Variants in CORO2B observed in about 807,000 individuals in gnomAD.
The protein encoded by CORO2B is coronin-2B.
Under a neutral mutation model 58.8 loss-of-function variants are expected in CORO2B, and 26 were observed. That is an observed-to-expected ratio of 0.44 (90% CI 0.32 to 0.61). CORO2B has a LOEUF of 0.61. CORO2B is among the 20% of genes least tolerant of loss of function. CORO2B has a pLI of 0.04. For synonymous variants in CORO2B, 242 were observed against 253.8 expected, an observed-to-expected ratio of 0.95 and a Z score of 0.44; for missense variants, 460 against 645.1, an observed-to-expected ratio of 0.71 and a Z score of 3.11.
chr15:68,723,468 G>A (rs1289382973), intron 11 of CORO2B, among the ~76,000 whole-genome samples: 2 of 148,978 alleles, frequency 1.3e-5, no homozygotes, highest in Admixed American at 6.7e-5. Flanking sequence ...GTTTTGTTTT[G>A]TTTTGAGATG....
intron 1 of CORO2B, among the ~76,000 whole-genome samples, chr15:68,587,685 A>T (rs1459154361): frequency 6.6e-6 from 1 of 152,354 alleles, no homozygotes; most frequent in Non-Finnish European, 1.5e-5. Flanking sequence ...TATGCCAAGC[A>T]TATACAATAT....
the CORO2B span, among the ~76,000 whole-genome samples, chr15:68,568,344 T>C: frequency 6.7e-6 from 1 of 148,242 alleles, no homozygotes; most frequent in African/African-American, 2.5e-5. Context: ...AGTGAGGTAA[T>C]GTGTATAGAG....
chr15:68,630,630 G>A (rs919658874), intron 1 of CORO2B, among the ~76,000 whole-genome samples: 2 of 152,132 alleles, frequency 1.3e-5, no homozygotes, highest in Admixed American at 1.3e-4. Flanking sequence ...TTTAGGCTGC[G>A]AGTAACAAAG....
intron 2 of CORO2B, among the ~76,000 whole-genome samples, chr15:68,686,317 T>G (rs559379351): frequency 1.3e-5 from 2 of 151,840 alleles, no homozygotes; most frequent in African/African-American, 2.4e-5. Context: ...ATTACAGGAG[T>G]GAGCCACCAC....
chr15:68,701,153 G>A (rs1008866393), intron 3 of CORO2B, among the ~76,000 whole-genome samples: 2 of 152,088 alleles, frequency 1.3e-5, no homozygotes, highest in African/African-American at 4.8e-5. Flanking sequence ...GGGCCAGTGC[G>A]CCGAGTGGGT....
intron 1 of CORO2B, among the ~76,000 whole-genome samples, chr15:68,643,635 G>A (rs986416108): frequency 2.0e-5 from 3 of 152,238 alleles, no homozygotes; most frequent in Admixed American, 1.3e-4. Context: ...GCTGGTGGAA[G>A]AGAATTTGCT....
rs1301021803 is a variant in CORO2B at position 68,710,706 on chromosome 15, G to A, written c.334-26G>A. The A allele has an allele frequency of 1.3e-6, 2 of 1,568,720 alleles. No individual in the cohort carries two copies. Among genetic ancestry groups the A allele is most frequent in the African/African-American group, 2.7e-5 (2 of 74,190 alleles). On this transcript the variant is annotated intron_variant, in intron 3 of 11. Coordinates refer to ENST00000261861, the MANE Select transcript of CORO2B (RefSeq NM_006091.5). This position sits in a 1 kb window ranked among gnomAD's most constrained non-coding sequence, Gnocchi z 4.1. ...GGGACTTCTTGGCCGTGTCCACCCA[G>A]CCTGGACCCTCATCTCCCTCTGCAG...
intron 1 of CORO2B, chr15:68,632,194 C>T: frequency 1.0e-6 from 1 of 985,554 alleles, no homozygotes; most frequent in Non-Finnish European, 1.2e-6. Flanking sequence ...TGGCATAACT[C>T]CTTGGGCGCT....
chr15:68,597,616 T>A (rs1190944117), intron 1 of CORO2B, among the ~76,000 whole-genome samples: 1 of 142,376 alleles, frequency 7.0e-6, no homozygotes, highest in East Asian at 2.0e-4. Flanking sequence ...TAATTTCTGT[T>A]TCCCCCCCAT....
At chr15:68,590,966 A>T (rs1899689118) in intron 1 of CORO2B, among the ~76,000 whole-genome samples, 1 of 152,118 alleles carries the variant, frequency 6.6e-6, no homozygotes, top group South Asian at 2.1e-4. Flanking sequence ...GAGGACTGAG[A>T]TTTATTTAAA....
At chr15:68,723,993 G>C (rs1459195579) in intron 11 of CORO2B, among the ~76,000 whole-genome samples, 11 of 151,954 alleles carry the variant, frequency 7.2e-5, no homozygotes, top group African/African-American at 2.7e-4. Context: ...CTTGAGGCCA[G>C]GAGTTCAAGA....
At chr15:68,684,288 G>A (rs1285432068) in intron 2 of CORO2B, among the ~76,000 whole-genome samples, 2 of 152,164 alleles carry the variant, frequency 1.3e-5, no homozygotes, top group Admixed American at 6.5e-5. Flanking sequence ...TAGATGACCC[G>A]CAAGGAGAAA....
chr15:68,606,265 G>A (rs1900121889), intron 1 of CORO2B, among the ~76,000 whole-genome samples: 1 of 152,156 alleles, frequency 6.6e-6, no homozygotes, highest in South Asian at 2.1e-4. Flanking sequence ...AAGCATGAAT[G>A]ACCTCAGGCA....
chr15:68,648,417 C>T (rs1233070488), intron 2 of CORO2B, among the ~76,000 whole-genome samples: 2 of 151,444 alleles, frequency 1.3e-5, no homozygotes, highest in Non-Finnish European at 2.9e-5. Context: ...GAGGCAGAGG[C>T]GGGTGGATCA....
intron 1 of CORO2B, among the ~76,000 whole-genome samples, chr15:68,629,578 C>T (rs1900771621): frequency 1.3e-5 from 2 of 152,160 alleles, no homozygotes; most frequent in African/African-American, 4.8e-5. Flanking sequence ...AACAAAGAGC[C>T]CAGGTGCTGG....
chr15:68,625,747 G>T (rs1331447084), intron 1 of CORO2B, among the ~76,000 whole-genome samples: 1 of 152,142 alleles, frequency 6.6e-6, no homozygotes, highest in Non-Finnish European at 1.5e-5. Flanking sequence ...TAGGACTACA[G>T]GTGCACACCA....
At chr15:68,623,856 C>T (rs931843444) in intron 1 of CORO2B, among the ~76,000 whole-genome samples, 2 of 152,184 alleles carry the variant, frequency 1.3e-5, no homozygotes, top group African/African-American at 2.4e-5. Flanking sequence ...GTCGACACCA[C>T]GGATTACAGC....
intron 2 of CORO2B, among the ~76,000 whole-genome samples, chr15:68,659,795 G>A (rs1056008527): frequency 6.6e-6 from 1 of 152,192 alleles, no homozygotes; most frequent in Non-Finnish European, 1.5e-5. Flanking sequence ...TTAGCCAGGT[G>A]TGGTGGTGCA....
chr15:68,585,893 G>T lies in CORO2B; in HGVS notation c.15+6616G>T, dbSNP rs142135982. 4.1e-3 allele frequency among the ~76,000 whole-genome samples: 624 copies of T among 152,288 alleles called. 7 individuals carry two copies. Among genetic ancestry groups the T allele is most frequent in the African/African-American group, 0.014 (589 of 41,556 alleles). On this transcript the variant is annotated intron_variant, in intron 1 of 11. Coordinates refer to ENST00000261861, the MANE Select transcript of CORO2B (RefSeq NM_006091.5). Reference sequence around the variant, plus strand: ...CTGCTTGGGTAGGGCATTCAGCCGAGGGCAGAACAAAGTATGACAGAGGCA... The same window carrying T: ...CTGCTTGGGTAGGGCATTCAGCCGATGGCAGAACAAAGTATGACAGAGGCA...
Sources: allele counts gnomAD v4.1 joint callset (sites outside exome capture counted in the v4.1 genomes callset), GRCh38; gene constraint gnomAD v4.1.1; non-coding constraint Gnocchi (gnomAD v3.1); transcripts MANE v1.5; gene names NCBI Gene and HGNC (gene_info 2026-07-23, HGNC 2026-07-21).